Variants in IKZF1 observed in about 807,000 individuals in gnomAD.
IKZF1 encodes the protein IKAROS family zinc finger 1.
A neutral mutation model predicts 51.7 loss-of-function variants in IKZF1; 10 were observed. That is an observed-to-expected ratio of 0.19 (90% CI 0.12 to 0.33). The LOEUF (loss-of-function observed/expected upper bound fraction) is 0.33. IKZF1 is among the 10% of genes least tolerant of loss of function. The probability of loss-of-function intolerance (pLI) is 1.00; values close to 1 mark genes in which losing one functional copy is unlikely to be tolerated. For missense variants in IKZF1, 484 were observed against 707.5 expected (o/e 0.68, Z 3.58); for synonymous variants, 280 against 282.3 (o/e 0.99, Z 0.08).
At chr7:50,391,053 T>G (rs778696820) in intron 6 of IKZF1, among the ~76,000 whole-genome samples, 10 of 152,208 alleles carry the variant, frequency 6.6e-5, no homozygotes, top group Non-Finnish European at 1.5e-4. Flanking sequence ...TAGATCCAGC[T>G]ATGCAGGATA....
In IKZF1 at chr7:50,378,787, T is replaced by C. The variant is rs778100485; in HGVS notation, c.421+1994T>C. 3.9e-4 allele frequency among the ~76,000 whole-genome samples: 60 copies of C among 152,218 alleles called. 1 individual carries two copies. Among genetic ancestry groups the C allele is most frequent in the African/African-American group, 1.2e-4 (5 of 41,448 alleles). ...AACAAATAACTTTCAGAAGTCAATT[T>C]TATAGTTTCTGCCTTGCCCTTTGTT... On this transcript the variant is annotated intron_variant, in intron 4 of 7. Transcript: ENST00000331340.
intron 2 of IKZF1, among the ~76,000 whole-genome samples, chr7:50,326,395 A>AT (rs1459930470): frequency 2.0e-5 from 3 of 152,230 alleles, no homozygotes; most frequent in Non-Finnish European, 4.4e-5. Context: ...ACCTTCATCT[A>AT]AAATGGTCTT....
chr7:50,373,288 A>T (rs1437467419), intron 3 of IKZF1, among the ~76,000 whole-genome samples: 1 of 152,184 alleles, frequency 6.6e-6, no homozygotes, highest in African/African-American at 2.4e-5. Context: ...GCGCCCACAC[A>T]CTGATCAACA....
Position 50,336,349 on chromosome 7 carries a change from G to A in IKZF1, c.160+8592G>A, listed in dbSNP as rs1051668082. ...GTGCTGGTGAAGGGGCGTGCGTGGG[G>A]ACCATGGGTCACATCTCGGCTGTCC... is the stretch of plus-strand genomic sequence containing the variant. On this transcript the variant is annotated intron_variant, in intron 3 of 7. Transcript: ENST00000331340. 2.1e-3 allele frequency among the ~76,000 whole-genome samples: 322 copies of A among 152,284 alleles called. 3 individuals carry two copies. The highest frequency in any genetic ancestry group is 0.013 in the East Asian group (65 of 5,174).
intron 3 of IKZF1, among the ~76,000 whole-genome samples, chr7:50,347,889 C>T (rs914074015): frequency 3.9e-5 from 6 of 152,292 alleles, no homozygotes; most frequent in East Asian, 1.9e-4. Flanking sequence ...CTCTTTGTGA[C>T]GCTCTGTGCA....
chr7:50,381,537 G>A lies in IKZF1; in HGVS notation c.422-1003G>A, dbSNP rs188126754. ...GACAATAGCATATTTCTTTTACTCA[G>A]ATACCTGTTTATCCCTTTGTCAGCT... On this transcript the variant is annotated intron_variant, in intron 4 of 7. Transcript: ENST00000331340. 4.6e-3 allele frequency among the ~76,000 whole-genome samples: 706 copies of A among 152,326 alleles called. 6 individuals carry two copies. The highest frequency in any genetic ancestry group is 0.016 in the African/African-American group (665 of 41,568).
intron 7 of IKZF1, among the ~76,000 whole-genome samples, chr7:50,393,545 G>A (rs578137186): frequency 2.6e-5 from 4 of 152,274 alleles, no homozygotes; most frequent in Non-Finnish European, 5.9e-5. Flanking sequence ...TCATAGGTTG[G>A]GGGTTGAGAG....
intron 3 of IKZF1, among the ~76,000 whole-genome samples, chr7:50,353,771 T>C (rs1802499054): frequency 6.6e-6 from 1 of 152,218 alleles, no homozygotes; most frequent in Admixed American, 6.5e-5. Context: ...TTTATTAAAA[T>C]GTATCCATGA....
At chr7:50,310,977 G>A (rs1158870122) in intron 1 of IKZF1, among the ~76,000 whole-genome samples, 1 of 152,142 alleles carries the variant, frequency 6.6e-6, no homozygotes, top group Admixed American at 6.5e-5. Context: ...TAAGGAACCT[G>A]ATTTTTGAAT....
intron 3 of IKZF1, chr7:50,328,020 C>G (rs1438840092): frequency 9.3e-6 from 4 of 428,630 alleles, no homozygotes; most frequent in Non-Finnish European, 1.7e-5. Flanking sequence ...GGACGCGTCT[C>G]TGTCACTGTC....
intron 3 of IKZF1, among the ~76,000 whole-genome samples, chr7:50,347,793 A>G (rs1324232537): frequency 6.6e-6 from 1 of 152,230 alleles, no homozygotes; most frequent in Non-Finnish European, 1.5e-5. Flanking sequence ...GAGGATTACC[A>G]TCGATACGGA....
chr7:50,316,440 A>G (rs888696363), intron 1 of IKZF1, among the ~76,000 whole-genome samples: 1 of 152,158 alleles, frequency 6.6e-6, no homozygotes, highest in Non-Finnish European at 1.5e-5. Context: ...TAGGGCATGG[A>G]GTGGAAATGT....
intron 1 of IKZF1, among the ~76,000 whole-genome samples, chr7:50,313,012 C>T (rs576064556): frequency 2.0e-5 from 3 of 152,142 alleles, no homozygotes; most frequent in Admixed American, 6.5e-5. Flanking sequence ...TAAGAGTGCT[C>T]GGAAGTTTTT....
At chr7:50,339,547 G>C (rs2047093173) in intron 3 of IKZF1, among the ~76,000 whole-genome samples, 1 of 151,952 alleles carries the variant, frequency 6.6e-6, no homozygotes, top group Non-Finnish European at 1.5e-5. Flanking sequence ...TCAGGAGTTT[G>C]AGACCAGCCT....
chr7:50,339,343 A>G (rs1239018807), intron 3 of IKZF1, among the ~76,000 whole-genome samples: 3 of 151,954 alleles, frequency 2.0e-5, no homozygotes, highest in Non-Finnish European at 4.4e-5. Flanking sequence ...AGTTGGTTCC[A>G]AATGACTCTT....
chr7:50,372,203 A>T (rs1476092069), intron 3 of IKZF1, among the ~76,000 whole-genome samples: 1 of 152,240 alleles, frequency 6.6e-6, no homozygotes, highest in Non-Finnish European at 1.5e-5. Context: ...GGGTGGACAG[A>T]AGTCTCCTGA....
Position 50,359,467 on chromosome 7 carries a change from T to A in IKZF1, c.161-17066T>A, listed in dbSNP as rs145405528. On this transcript the variant is annotated intron_variant, in intron 3 of 7. Transcript: ENST00000331340. ...GAATGTGCGCAGAGTGAGGAGGAGC[T>A]GATCTGACATTCCGAACAGTGGAGA... Among the ~76,000 whole-genome samples the A allele has an allele frequency of 4.6e-3, 706 of 152,298 alleles. 6 individuals are homozygous for A. The highest frequency in any genetic ancestry group is 0.016 in the African/African-American group (672 of 41,556).
chr7:50,362,104 C>T (rs1455268507), intron 3 of IKZF1, among the ~76,000 whole-genome samples: 1 of 152,162 alleles, frequency 6.6e-6, no homozygotes, highest in Non-Finnish European at 1.5e-5. Context: ...GAGAAAGGGC[C>T]AGACATTGGT....
chr7:50,342,114 C>T (rs2153417229), intron 3 of IKZF1, among the ~76,000 whole-genome samples: 1 of 152,240 alleles, frequency 6.6e-6, no homozygotes, highest in East Asian at 1.9e-4. Flanking sequence ...TGTATGTGAA[C>T]ATCTGCTTTT....
Sources: allele counts gnomAD v4.1 joint callset (sites outside exome capture counted in the v4.1 genomes callset), GRCh38; gene constraint gnomAD v4.1.1; transcripts MANE v1.5; gene names NCBI Gene and HGNC (gene_info 2026-07-23, HGNC 2026-07-21).